The following BBS9 variants were observed in gnomAD, a reference collection of about 807,000 sequenced individuals.
BBS9 encodes protein PTHB1.
Under a neutral mutation model 117.7 loss-of-function variants are expected in BBS9, and 89 were observed. The observed-to-expected ratio is 0.76, with a 90% CI of 0.64 to 0.90. BBS9 has a LOEUF of 0.90. Ranked by LOEUF, BBS9 falls within the 40% of genes least tolerant of loss-of-function variation. The probability of loss-of-function intolerance (pLI) is 0.00; values close to 1 mark genes in which losing one functional copy is unlikely to be tolerated. For missense variants in BBS9, 982 were observed against 1,042.2 expected (o/e 0.94, Z 0.80); for synonymous variants, 379 against 370.9 (o/e 1.02, Z -0.25).
chr7:33,469,589 G>A (rs776207396), intron 19 of BBS9, among the ~76,000 whole-genome samples: 1 of 152,108 alleles, frequency 6.6e-6, no homozygotes, highest in Non-Finnish European at 1.5e-5. Flanking sequence ...TTGACGAAGT[G>A]GGAAAATATC....
intron 5 of BBS9, among the ~76,000 whole-genome samples, chr7:33,232,527 T>G (rs1177798563): frequency 6.6e-6 from 1 of 152,088 alleles, no homozygotes; most frequent in Admixed American, 6.6e-5. Flanking sequence ...CTTCATTTTT[T>G]TTAAGAAAAT....
intron 19 of BBS9, among the ~76,000 whole-genome samples, chr7:33,503,408 T>C (rs1036695805): frequency 1.3e-5 from 2 of 152,338 alleles, no homozygotes; most frequent in East Asian, 3.9e-4. Context: ...CAGGGCAGAA[T>C]GCTTGGCATG....
intron 9 of BBS9, among the ~76,000 whole-genome samples, chr7:33,283,791 A>C (rs1021797504): frequency 6.6e-6 from 1 of 152,084 alleles, no homozygotes; most frequent in Non-Finnish European, 1.5e-5. Context: ...CAGTTTGCTG[A>C]AGGATTGTGT....
At chr7:33,609,864 A>G (rs1246730891), downstream of BBS9, among the ~76,000 whole-genome samples, 1 of 152,058 alleles carries the variant, frequency 6.6e-6, no homozygotes, top group Non-Finnish European at 1.5e-5. Context: ...TAATTTAACC[A>G]TATACAGAGT....
chr7:33,344,371 G>A (rs1817214033), intron 11 of BBS9, among the ~76,000 whole-genome samples: 1 of 152,098 alleles, frequency 6.6e-6, no homozygotes, highest in South Asian at 2.1e-4. Context: ...GCCCGGCCCA[G>A]GGGATGAGTT....
intron 19 of BBS9, among the ~76,000 whole-genome samples, chr7:33,447,015 A>G (rs1837095756): frequency 6.6e-6 from 1 of 152,234 alleles, no homozygotes; most frequent in South Asian, 2.1e-4. Flanking sequence ...TAATGAATTT[A>G]TATGATAATC....
chr7:33,326,191 T>G (rs1584333593), intron 9 of BBS9, among the ~76,000 whole-genome samples: 1 of 152,212 alleles, frequency 6.6e-6, no homozygotes, highest in East Asian at 1.9e-4. Context: ...GAGCTGGTAC[T>G]CAAGCCACAA....
At chr7:33,342,377 G>C (rs1584412100) in intron 11 of BBS9, among the ~76,000 whole-genome samples, 1 of 152,082 alleles carries the variant, frequency 6.6e-6, no homozygotes, top group South Asian at 2.1e-4. Flanking sequence ...ATATTTTCTT[G>C]CTGTGGAAAT....
chr7:33,487,037 A>AAAT (rs1843209707), intron 19 of BBS9, among the ~76,000 whole-genome samples: 1 of 152,236 alleles, frequency 6.6e-6, no homozygotes. Flanking sequence ...TTGGAATTCA[A>AAAT]TGCCAGTATG....
chr7:33,627,484 G>A (rs763404920), intron 21 of BBS9, among the ~76,000 whole-genome samples: 1 of 152,186 alleles, frequency 6.6e-6, no homozygotes, highest in Non-Finnish European at 1.5e-5. Context: ...GCTGTGAGAA[G>A]AGGTCCACCA....
intron 21 of BBS9, among the ~76,000 whole-genome samples, chr7:33,555,543 G>C (rs1270469576): frequency 6.6e-6 from 1 of 152,178 alleles, no homozygotes; most frequent in Non-Finnish European, 1.5e-5. Context: ...TGATGAAGAG[G>C]AGCAAATGGG....
chr7:33,541,356 T>A (rs1000973415), intron 21 of BBS9, among the ~76,000 whole-genome samples: 3 of 152,134 alleles, frequency 2.0e-5, no homozygotes, highest in African/African-American at 7.2e-5. Context: ...CAAATATATC[T>A]CTTTTCATGG....
intron 9 of BBS9, among the ~76,000 whole-genome samples, chr7:33,305,458 A>G (rs943236097): frequency 6.6e-6 from 1 of 152,098 alleles, no homozygotes; most frequent in Non-Finnish European, 1.5e-5. Flanking sequence ...TTCCTCCTCT[A>G]TTTTTCAGAA....
At chr7:33,223,292 C>T (rs1379586789) in intron 5 of BBS9, among the ~76,000 whole-genome samples, 3 of 151,572 alleles carry the variant, frequency 2.0e-5, no homozygotes, top group African/African-American at 7.2e-5. Context: ...ATATCCTTAT[C>T]ACTCTTTAGT....
At chr7:33,410,287 C>G (rs1830877298) in intron 19 of BBS9, among the ~76,000 whole-genome samples, 1 of 152,182 alleles carries the variant, frequency 6.6e-6, no homozygotes, top group African/African-American at 2.4e-5. Context: ...CAAATGTTTT[C>G]TTCTCTGCAC....
intron 5 of BBS9, among the ~76,000 whole-genome samples, chr7:33,233,843 G>A (rs757418404): frequency 2.0e-5 from 3 of 152,112 alleles, no homozygotes; most frequent in South Asian, 2.1e-4. Context: ...GTGCCAGCAC[G>A]TGCTTCTATT....
At chr7:33,631,023 G>A (rs912896512) in intron 21 of BBS9, among the ~76,000 whole-genome samples, 5 of 152,140 alleles carry the variant, frequency 3.3e-5, no homozygotes, top group East Asian at 1.9e-4. Flanking sequence ...GAGTGCTACC[G>A]AGGCAAAGCA....
intron 19 of BBS9, among the ~76,000 whole-genome samples, chr7:33,501,375 T>C (rs746102291): frequency 7.9e-5 from 12 of 152,216 alleles, no homozygotes; most frequent in Non-Finnish European, 1.2e-4. Context: ...AAGATTTTCC[T>C]TGGGGGTAAT....
intron 13 of BBS9, 138 bp downstream of exon 13, chr7:33,349,308 G>C (rs1390592841): frequency 9.8e-6 from 7 of 716,692 alleles, no homozygotes; most frequent in African/African-American, 1.7e-5. Flanking sequence ...GTGTTGTTTT[G>C]CTTATATTTT....
Sources: allele counts gnomAD v4.1 joint callset (sites outside exome capture counted in the v4.1 genomes callset), GRCh38; gene constraint gnomAD v4.1.1; transcripts MANE v1.5; gene names NCBI Gene and HGNC (gene_info 2026-07-23, HGNC 2026-07-21).